Variants in NXPE2 observed in about 807,000 individuals in gnomAD.
The protein encoded by NXPE2 is neurexophilin and PC-esterase domain family member 2.
In NXPE2, 34 loss-of-function variants were observed where a neutral mutation model predicts 34.4. That is an observed-to-expected ratio of 0.99 (90% CI 0.75 to 1.31). The LOEUF (loss-of-function observed/expected upper bound fraction) is 1.31, where lower values mean the gene tolerates loss of function less well. Ranked by LOEUF, NXPE2 falls within the 40% of genes most tolerant of loss-of-function variation. The pLI is 0.00. For synonymous variants in NXPE2, 235 were observed against 231.3 expected (o/e 1.02, Z -0.15); for missense variants, 649 against 672.5 (o/e 0.97, Z 0.39).
chr11:114,538,302 G>A, the NXPE2 span, among the ~76,000 whole-genome samples: 4 of 152,308 alleles, frequency 2.6e-5, no homozygotes, highest in Admixed American at 6.5e-5. Context: ...AGACTTACAT[G>A]TTTGACCTAA....
the NXPE2 span, among the ~76,000 whole-genome samples, chr11:114,615,523 G>T: frequency 5.9e-5 from 9 of 151,860 alleles, no homozygotes; most frequent in African/African-American, 1.9e-4. Context: ...TGCCTCACAG[G>T]TAACCACTGT....
chr11:114,736,727 G>A, the NXPE2 span, among the ~76,000 whole-genome samples: 1 of 152,194 alleles, frequency 6.6e-6, no homozygotes, highest in African/African-American at 2.4e-5. Context: ...GATTGGGGAA[G>A]TGATAAGTGT....
At chr11:114,581,940 C>A in the NXPE2 span, among the ~76,000 whole-genome samples, 4 of 152,102 alleles carry the variant, frequency 2.6e-5, no homozygotes, top group African/African-American at 9.7e-5. Flanking sequence ...CATTTCTTTG[C>A]CTATTAGGCT....
chr11:114,771,593 C>T, the NXPE2 span, among the ~76,000 whole-genome samples: 1 of 151,968 alleles, frequency 6.6e-6, no homozygotes, highest in African/African-American at 2.4e-5. Context: ...GGCAGTGGAC[C>T]CAATTCACTC....
At chr11:114,651,370 G>A in the NXPE2 span, among the ~76,000 whole-genome samples, 1 of 152,074 alleles carries the variant, frequency 6.6e-6, no homozygotes, top group African/African-American at 2.4e-5. Flanking sequence ...TCCTCCTGGT[G>A]GGTTCGTGGT....
the NXPE2 span, among the ~76,000 whole-genome samples, chr11:114,633,989 G>T: frequency 6.6e-6 from 1 of 151,882 alleles, no homozygotes; most frequent in East Asian, 1.9e-4. Context: ...GTAATGGGAT[G>T]GCTGGGTCAA....
the NXPE2 span, among the ~76,000 whole-genome samples, chr11:114,762,134 G>C: frequency 1.3e-5 from 2 of 152,172 alleles, no homozygotes; most frequent in Non-Finnish European, 2.9e-5. Context: ...GAGGGAAAGG[G>C]CTTATAGAAG....
At chr11:114,691,061 C>T (rs1951139725) in intron 2 of NXPE2, among the ~76,000 whole-genome samples, 1 of 151,992 alleles carries the variant, frequency 6.6e-6, no homozygotes, top group Admixed American at 6.6e-5. Flanking sequence ...ATTCTGAATT[C>T]TACACCTGTC....
chr11:114,707,677 A>T (rs1193475294), downstream of NXPE2: 1 of 164,054 alleles, frequency 6.1e-6, no homozygotes, highest in Non-Finnish European at 1.4e-5. Flanking sequence ...CTTGGTACCT[A>T]TTAAACAATA....
the NXPE2 span, among the ~76,000 whole-genome samples, chr11:114,620,672 T>C: frequency 6.6e-6 from 1 of 151,296 alleles, no homozygotes; most frequent in South Asian, 2.1e-4. Context: ...GAATAAATAT[T>C]GTCTCCCAGG....
chr11:114,607,784 A>C, the NXPE2 span, among the ~76,000 whole-genome samples: 3 of 147,384 alleles, frequency 2.0e-5, no homozygotes, highest in South Asian at 4.3e-4. Flanking sequence ...CCACTGTTAC[A>C]CGGTGGAGAA....
chr11:114,553,011 C>A, the NXPE2 span: 1 of 222,026 alleles, frequency 4.5e-6, no homozygotes, highest in Non-Finnish European at 7.6e-6. Context: ...GAGTCTTTGC[C>A]CAAGCTGTGC....
the NXPE2 span, among the ~76,000 whole-genome samples, chr11:114,485,576 C>G: frequency 6.6e-5 from 10 of 151,768 alleles, no homozygotes; most frequent in South Asian, 2.1e-3. Flanking sequence ...CTATAGTCAC[C>G]CTGTTGTGCT....
At chr11:114,510,390 T>G in the NXPE2 span, among the ~76,000 whole-genome samples, 2 of 152,132 alleles carry the variant, frequency 1.3e-5, no homozygotes, top group African/African-American at 4.8e-5. Flanking sequence ...CACACCACCA[T>G]GCCCAGCTAA....
At chr11:114,563,592 C>A in the NXPE2 span, among the ~76,000 whole-genome samples, 1 of 152,048 alleles carries the variant, frequency 6.6e-6, no homozygotes, top group South Asian at 2.1e-4. Context: ...GACTAATATC[C>A]AGAATCTACA....
the NXPE2 span, chr11:114,522,271 A>T: frequency 6.2e-7 from 1 of 1,614,050 alleles, no homozygotes; most frequent in East Asian, 2.2e-5. Flanking sequence ...TAAAAATGTC[A>T]ATGGGAAATG....
At chr11:114,536,896 A>G in the NXPE2 span, among the ~76,000 whole-genome samples, 1 of 152,174 alleles carries the variant, frequency 6.6e-6, no homozygotes. Context: ...TATTCCAATC[A>G]GTAGAAAACG....
the NXPE2 span, among the ~76,000 whole-genome samples, chr11:114,741,690 C>T: frequency 6.6e-6 from 1 of 152,132 alleles, no homozygotes; most frequent in Non-Finnish European, 1.5e-5. Context: ...GTCTATCAAA[C>T]TTCTTGTTTT....
chr11:114,761,590 G>T, the NXPE2 span, among the ~76,000 whole-genome samples: 13 of 128,378 alleles, frequency 1.0e-4, no homozygotes, highest in Non-Finnish European at 1.8e-4. Context: ...TTTTTGAGAC[G>T]GAGTCTCGCT....
Sources: gnomAD v4.1 joint callset for allele counts (sites outside exome capture counted in the v4.1 genomes callset) on GRCh38, gnomAD v4.1.1 for gene constraint, MANE v1.5 for transcripts, NCBI Gene and HGNC (gene_info 2026-07-23, HGNC 2026-07-21) for gene names.